Variants in PDE7B observed in about 807,000 individuals in gnomAD.
PDE7B encodes 3',5'-cyclic-AMP phosphodiesterase 7B.
A neutral mutation model predicts 56.2 loss-of-function variants in PDE7B; 29 were observed. The ratio of observed to expected loss-of-function variants is 0.52; its 90% confidence interval spans 0.38 to 0.70. The LOEUF is 0.70. Among genes scored for constraint, PDE7B ranks in the 30% least tolerant of loss-of-function variants. The pLI is 0.00. For missense variants in PDE7B, 490 were observed against 565.0 expected (o/e 0.87, Z 1.35); for synonymous variants, 197 against 196.9 (o/e 1.00, Z 0.00).
At chr6:135,915,909 C>A (rs983366046) in intron 1 of PDE7B, among the ~76,000 whole-genome samples, 2 of 152,210 alleles carry the variant, frequency 1.3e-5, no homozygotes, top group African/African-American at 4.8e-5. Flanking sequence ...TGCTAAGGAG[C>A]TTCCCTTTGG....
intron 2 of PDE7B, among the ~76,000 whole-genome samples, chr6:136,033,653 G>A (rs1473675990): frequency 6.6e-6 from 1 of 152,144 alleles, no homozygotes; most frequent in Non-Finnish European, 1.5e-5. Context: ...ATGGAAATAT[G>A]TGCTGCCTTG....
chr6:135,961,267 G>GTGTGTGTGTGTA (rs1562453378), intron 2 of PDE7B, among the ~76,000 whole-genome samples: 14 of 142,450 alleles, frequency 9.8e-5, no homozygotes, highest in African/African-American at 3.7e-4. Context: ...GTGTGTGTGT[G>GTGTGTGTGTGTA]TGTGTGTGTG....
intron 2 of PDE7B, among the ~76,000 whole-genome samples, chr6:136,016,405 T>A (rs183225789): frequency 1.1e-4 from 17 of 152,348 alleles, no homozygotes; most frequent in African/African-American, 3.6e-4. Flanking sequence ...GCCAGGTACG[T>A]CTGAAGGACC....
intron 1 of PDE7B, among the ~76,000 whole-genome samples, chr6:135,919,721 G>A (rs888350455): frequency 6.6e-6 from 1 of 152,182 alleles, no homozygotes; most frequent in Non-Finnish European, 1.5e-5. Flanking sequence ...AAATGACTTT[G>A]AGCAAATTAT....
At chr6:135,934,739 A>AATAT (rs1554267949) in intron 1 of PDE7B, among the ~76,000 whole-genome samples, 1 of 105,676 alleles carries the variant, frequency 9.5e-6, no homozygotes, top group Admixed American at 1.4e-4. Context: ...CAAAAAAAAA[A>AATAT]ATATATATAT....
intron 2 of PDE7B, among the ~76,000 whole-genome samples, chr6:136,002,574 G>C (rs990859185): frequency 6.6e-6 from 1 of 151,974 alleles, no homozygotes; most frequent in African/African-American, 2.4e-5. Context: ...AAACAGACCT[G>C]AAACCAACAA....
chr6:136,068,271 A>G (rs1279145755), intron 2 of PDE7B, among the ~76,000 whole-genome samples: 1 of 152,178 alleles, frequency 6.6e-6, no homozygotes, highest in Non-Finnish European at 1.5e-5. Flanking sequence ...CAAGACAACT[A>G]GGAGAGTTGG....
At chr6:136,058,495 G>C (rs1554276912) in intron 2 of PDE7B, among the ~76,000 whole-genome samples, 2 of 152,028 alleles carry the variant, frequency 1.3e-5, no homozygotes, top group African/African-American at 4.8e-5. Flanking sequence ...AATAACCAAA[G>C]GGAATTAAGA....
intron 3 of PDE7B, among the ~76,000 whole-genome samples, chr6:136,144,093 T>G (rs1778374978): frequency 6.6e-6 from 1 of 152,106 alleles, no homozygotes; most frequent in Non-Finnish European, 1.5e-5. Flanking sequence ...AATAATTTAT[T>G]TATTGAATAA....
chr6:136,138,482 G>T (rs891821267), intron 3 of PDE7B, among the ~76,000 whole-genome samples: 1 of 151,922 alleles, frequency 6.6e-6, no homozygotes, highest in Admixed American at 6.6e-5. Flanking sequence ...AATAACACTC[G>T]ATAAGTTATT....
At chr6:136,004,326 T>C (rs1437838834) in intron 2 of PDE7B, among the ~76,000 whole-genome samples, 7 of 152,116 alleles carry the variant, frequency 4.6e-5, no homozygotes, top group African/African-American at 1.4e-4. Flanking sequence ...CACTCCTATT[T>C]AACATAGTGT....
At chr6:136,059,454 G>A (rs1776798613) in intron 2 of PDE7B, among the ~76,000 whole-genome samples, 1 of 152,190 alleles carries the variant, frequency 6.6e-6, no homozygotes, top group Non-Finnish European at 1.5e-5. Context: ...GTGCACCACA[G>A]CCAGACAAAC....
chr6:135,987,594 C>G (rs937031634), intron 2 of PDE7B, among the ~76,000 whole-genome samples: 2 of 152,140 alleles, frequency 1.3e-5, no homozygotes, highest in African/African-American at 4.8e-5. Flanking sequence ...CTGGAGATGT[C>G]TATCTGTCCC....
chr6:135,931,829 G>A (rs561944901), intron 1 of PDE7B, among the ~76,000 whole-genome samples: 2 of 152,138 alleles, frequency 1.3e-5, no homozygotes, highest in African/African-American at 4.8e-5. Flanking sequence ...ATGGTAATCT[G>A]TGTACAAACA....
intron 1 of PDE7B, among the ~76,000 whole-genome samples, chr6:135,894,787 G>A (rs183086430): frequency 0.01 from 1,522 of 152,200 alleles, 16 homozygotes; most frequent in Middle Eastern, 0.02. Flanking sequence ...ACATCAGTAC[G>A]AGACGGGTCC....
intron 1 of PDE7B, among the ~76,000 whole-genome samples, chr6:135,926,137 A>T (rs530727821): frequency 1.5e-5 from 2 of 131,456 alleles, no homozygotes; most frequent in East Asian, 4.8e-4. Flanking sequence ...CCCAGGCTGC[A>T]GTGCAGTGGC....
At chr6:136,144,600 T>C (rs1199593703) in intron 3 of PDE7B, among the ~76,000 whole-genome samples, 2 of 152,170 alleles carry the variant, frequency 1.3e-5, no homozygotes, top group Admixed American at 6.6e-5. Context: ...AATAATGTCA[T>C]TTATGACATT....
chr6:136,184,889 A>G (rs1418978921), intron 11 of PDE7B, among the ~76,000 whole-genome samples: 1 of 152,204 alleles, frequency 6.6e-6, no homozygotes, highest in Non-Finnish European at 1.5e-5. Context: ...AGGATGTGAA[A>G]CAAGATTTAA....
At chr6:136,059,440 C>T (rs1238244583) in intron 2 of PDE7B, among the ~76,000 whole-genome samples, 1 of 152,186 alleles carries the variant, frequency 6.6e-6, no homozygotes, top group Non-Finnish European at 1.5e-5. Context: ...AACTTTCCTT[C>T]TCTGTGCACC....
Sources: gnomAD v4.1 joint callset for allele counts (sites outside exome capture counted in the v4.1 genomes callset) on GRCh38, gnomAD v4.1.1 for gene constraint, MANE v1.5 for transcripts, NCBI Gene and HGNC (gene_info 2026-07-23, HGNC 2026-07-21) for gene names.